The following FBH1 variants were observed in gnomAD, a reference collection of about 807,000 sequenced individuals.
The protein encoded by FBH1 is DNA 3'-5' helicase 1.
FBH1 carries 43 observed loss-of-function variants against 115.5 expected under a neutral mutation model. The ratio of observed to expected loss-of-function variants is 0.37; its 90% CI spans 0.29 to 0.48. The LOEUF is 0.48. Among genes scored for constraint, FBH1 ranks in the 20% least tolerant of loss-of-function variants. The pLI, the probability that FBH1 is intolerant of heterozygous loss-of-function variation, is 0.99. For missense variants in FBH1, 1,001 were observed against 1,337.3 expected, an observed-to-expected ratio of 0.75 and a Z score of 3.92; for synonymous variants, 524 against 507.8, an observed-to-expected ratio of 1.03 and a Z score of -0.43.
rs1252155827 is a variant in FBH1 at position 5,906,827 on chromosome 10, C to T, written c.753+195C>T. On this transcript the variant is annotated intron_variant, in intron 3 of 20. Coordinates refer to ENST00000362091, the MANE Select transcript of FBH1 (RefSeq NM_178150.3). This position sits in a 1 kb window ranked among gnomAD's most constrained non-coding sequence, Gnocchi z 7.3. ...TCTAGCCTCTTTGTTCACTTCCACT[C>T]AACACAGCTTCCCTGAGTTCTGTCT... Among the ~76,000 whole-genome samples the T allele has an allele frequency of 6.6e-6, 1 of 152,192 alleles. No individual in the cohort carries two copies.
chr10:5,930,952 TCTCA>T (rs1322745539), intron 19 of FBH1, among the ~76,000 whole-genome samples: 1 of 151,808 alleles, frequency 6.6e-6, no homozygotes, highest in Non-Finnish European at 1.5e-5. Context: ...ACAGACAGGG[TCTCA>T]CTCACTATGT....
chr10:5,890,407 A>G, intron 1 of FBH1, 61 bp downstream of exon 1: 1 of 363,168 alleles, frequency 2.8e-6, no homozygotes, highest in East Asian at 4.2e-5. Context: ...TGGAAAACTT[A>G]ACCTCCGGGG....
chr10:5,918,541 CTGTG>C lies in FBH1; in HGVS notation c.2100+64_2100+67del. 1 of 1,476,716 alleles carries C rather than the reference CTGTG, an allele frequency of 6.8e-7. No individual in the cohort carries two copies. The highest frequency in any genetic ancestry group is 8.9e-7 in the Non-Finnish European group (1 of 1,117,658). The allele number at this position is 1,476,716 out of a possible 1,614,324, so 91.5% of individuals were successfully genotyped here. A position where few individuals can be genotyped will look rare whatever the true frequency, so the allele number is the denominator to read the frequency against. On this transcript the variant is annotated intron_variant, in intron 13 of 20. Coordinates refer to ENST00000362091, the MANE Select transcript of FBH1 (RefSeq NM_178150.3). This position sits in a 1 kb window ranked among gnomAD's most constrained non-coding sequence, Gnocchi z 4.0. Reference sequence around the variant, plus strand: ...CTCCCAATGTCTTACGTGCCAGGCCCTGTGAAAGGTGGTATGCCAGGCTCACCAG... The same window carrying C: ...CTCCCAATGTCTTACGTGCCAGGCCCAAAGGTGGTATGCCAGGCTCACCAG...
rs1831773814 is a variant in FBH1, at chr10:5,914,039, T to C, written c.1305-139T>C. ...AGCATCATAATCTAGCTTTAGAACA[T>C]GTTTATTCTCGTAAGGGGAGGCCTT... On this transcript the variant is annotated intron_variant, in intron 7 of 20. Transcript: ENST00000362091. This position sits in a 1 kb window ranked among gnomAD's most constrained non-coding sequence, Gnocchi z 5.2. The C allele has an allele frequency of 1.2e-6, 1 of 851,370 alleles. No homozygotes were observed. The highest frequency in any genetic ancestry group is 1.6e-5 in the South Asian group (1 of 62,776). 52.7% of individuals were successfully genotyped at this position (851,370 alleles called of 1,614,324 possible). A position where few individuals can be genotyped will look rare whatever the true frequency, so the allele number is the denominator to read the frequency against.
Position 5,890,433 on chromosome 10 carries a change from C to T in FBH1, c.1+87C>T, listed in dbSNP as rs1589033481. The T allele has an allele frequency of 3.4e-5, 12 of 348,658 alleles. 1 individual carries two copies. In the East Asian group the frequency reaches 4.9e-4, roughly 14 times the overall value. The allele number at this position is 348,658 out of a possible 1,614,324, so 21.6% of individuals were successfully genotyped here. On this transcript the variant is annotated intron_variant, in intron 1 of 20. Coordinates refer to ENST00000362091, the MANE Select transcript of FBH1 (RefSeq NM_178150.3). ...ACCTCCGGGGTCCTGCGCGGGGGGT[C>T]CGGGCCCGGGGTGGGGCAGCGGGGG...
chr10:5,935,473 G>T lies in FBH1; in HGVS notation c.2830-983G>T, dbSNP rs1466046649. On this transcript the variant is annotated intron_variant, in intron 19 of 20. Transcript: ENST00000362091. The surrounding 1 kb of genome is among the most constrained non-coding windows in gnomAD (Gnocchi z 5.2). ...CCGTGGGTTGGAGGGACCTCGCCAG[G>T]TTCATGGTCTTGGCTGTCTCTCGGG... is the stretch of plus-strand genomic sequence containing the variant. 1 of 152,218 alleles carries T rather than the reference G, an allele frequency of 6.6e-6. No individual in the cohort carries two copies. The highest frequency in any genetic ancestry group is 1.9e-4 in the East Asian group (1 of 5,206). The allele number at this position is 152,218 out of a possible 1,614,324, so 9.4% of individuals were successfully genotyped here. A position where few individuals can be genotyped will look rare whatever the true frequency, so the allele number is the denominator to read the frequency against.
chr10:5,892,922 C>T (rs898352853), intron 1 of FBH1, among the ~76,000 whole-genome samples: 1 of 152,212 alleles, frequency 6.6e-6, no homozygotes, highest in Non-Finnish European at 1.5e-5. Flanking sequence ...AGTTGTTTTC[C>T]TGACAATCTC....
At chr10:5,898,045 G>A (rs569289899) in intron 1 of FBH1, among the ~76,000 whole-genome samples, 1 of 152,296 alleles carries the variant, frequency 6.6e-6, no homozygotes, top group African/African-American at 2.4e-5. Context: ...AGGGATTAGA[G>A]TGTAGGCTCC....
chr10:5,917,581 T>A lies in FBH1; in HGVS notation c.1877-9T>A, dbSNP rs772690158. On this transcript the variant is annotated splice_polypyrimidine_tract_variant and intron_variant, in intron 11 of 20. Transcript: ENST00000362091. This position sits in a 1 kb window ranked among gnomAD's most constrained non-coding sequence, Gnocchi z 5.6. Reference sequence around the variant, plus strand: ...GGCGTTACAACTCCTGCGTCTCTCCTTATTTTAGGCTACTTGAAACTCTGG... The same window carrying A: ...GGCGTTACAACTCCTGCGTCTCTCCATATTTTAGGCTACTTGAAACTCTGG... 2.4e-5 allele frequency: 38 copies of A among 1,614,016 alleles called. No homozygotes were observed. The highest frequency in any genetic ancestry group is 1.3e-4 in the Admixed American group (8 of 60,002).
chr10:5,899,895 T>G (rs561147044), intron 1 of FBH1, among the ~76,000 whole-genome samples: 25 of 152,356 alleles, frequency 1.6e-4, no homozygotes, highest in Middle Eastern at 3.4e-3. Context: ...CAAATTTAGT[T>G]TTTAATGTAG....
In FBH1 at chr10:5,927,559, C is replaced by T. The variant is rs776295206; in HGVS notation, c.2829+18C>T. ...TGGCTGGGGTAAGCAGAACGGGCAGCATGAGCTAACTTGATGCCATTGAAT... is the reference window on the plus strand; with the variant it reads ...TGGCTGGGGTAAGCAGAACGGGCAGTATGAGCTAACTTGATGCCATTGAAT... On this transcript the variant is annotated intron_variant, in intron 19 of 20. Transcript: ENST00000362091. 1.3e-6 allele frequency: 2 copies of T among 1,590,766 alleles called. No homozygotes were observed. Among genetic ancestry groups the T allele is most frequent in the Non-Finnish European group, 1.7e-6 (2 of 1,161,378 alleles).
Position 5,903,009 on chromosome 10 carries a change from G to T in FBH1, c.2-11G>T, listed in dbSNP as rs780500025. 14 of 1,600,858 alleles carry T rather than the reference G, an allele frequency of 8.7e-6. No homozygotes were observed. The highest frequency in any genetic ancestry group is 1.7e-5 in the Admixed American group (1 of 58,734). On this transcript the variant is annotated splice_polypyrimidine_tract_variant and intron_variant, in intron 1 of 20. Coordinates refer to ENST00000362091, the MANE Select transcript of FBH1 (RefSeq NM_178150.3). The stretch of plus-strand genomic sequence containing the variant: ...AATATCCCCTTTCTTCTACCTGCTG[G>T]TATGAAACAGTGAGACGGTTTAAGC...
At chr10:5,894,227 C>T (rs1007569775) in intron 1 of FBH1, 1 of 985,298 alleles carries the variant, frequency 1.0e-6, no homozygotes, top group African/African-American at 1.7e-5. Flanking sequence ...CTAATGGGGA[C>T]ACAATATTTT....
Position 5,908,999 on chromosome 10 carries a change from CCTGT to C in FBH1, c.831_834del (p.Ser278ThrfsTer4). ...AAGCTGTCAGCAAAGTGGACGGCATCCTGTCTAACTGTGGCATAGAAAAGGAGTC... is the reference window on the plus strand; with the variant it reads ...AAGCTGTCAGCAAAGTGGACGGCATCCTAACTGTGGCATAGAAAAGGAGTC... On this transcript the variant is annotated frameshift_variant, in exon 4 of 21. Coordinates refer to ENST00000362091, the MANE Select transcript of FBH1 (RefSeq NM_178150.3). LOFTEE classifies it high-confidence loss of function. 6.2e-7 allele frequency: 1 copy of C among 1,614,184 alleles called. No homozygotes were observed. Among genetic ancestry groups the C allele is most frequent in the Non-Finnish European group, 8.5e-7 (1 of 1,180,032 alleles).
intron 1 of FBH1, chr10:5,894,231 A>G (rs1842887881): frequency 8.1e-6 from 8 of 985,328 alleles, no homozygotes; most frequent in Admixed American, 6.1e-5. Context: ...TGGGGACACA[A>G]TATTTTGAAG....
chr10:5,907,998 G>A, intron 3 of FBH1, among the ~76,000 whole-genome samples: 1 of 152,174 alleles, frequency 6.6e-6, no homozygotes, highest in East Asian at 1.9e-4. Flanking sequence ...GTTGGGTGGA[G>A]TATTCTGTAT....
At position 5,913,235 on chromosome 10, in the gene FBH1, C is replaced by G. The variant is rs1831715755; in HGVS notation, c.1212-512C>G. 6.6e-6 allele frequency among the ~76,000 whole-genome samples: 1 copy of G among 152,142 alleles called. No individual in the cohort carries two copies. The highest frequency in any genetic ancestry group is 2.4e-5 in the African/African-American group (1 of 41,414). ...GTCCTTAGTAGTCAGATCTTGTTAT[C>G]CATAGTGTAGTCCCTTTTCTTGGGA... is the stretch of plus-strand genomic sequence containing the variant. On this transcript the variant is annotated intron_variant, in intron 6 of 20. Coordinates refer to ENST00000362091, the MANE Select transcript of FBH1 (RefSeq NM_178150.3). The surrounding 1 kb of genome is among the most constrained non-coding windows in gnomAD (Gnocchi z 4.4).
At chr10:5,934,066 A>G (rs1441914893) in intron 19 of FBH1, among the ~76,000 whole-genome samples, 1 of 152,166 alleles carries the variant, frequency 6.6e-6, no homozygotes, top group Non-Finnish European at 1.5e-5. Context: ...GAAGATCCCG[A>G]GTTGGGCAGT....
Position 5,936,434 on chromosome 10 carries a change from T to C in FBH1, c.2830-22T>C, listed in dbSNP as rs769366389. 4.8e-5 allele frequency: 77 copies of C among 1,611,376 alleles called. No individual in the cohort carries two copies. The highest frequency in any genetic ancestry group is 6.4e-5 in the Non-Finnish European group (75 of 1,178,734). On this transcript the variant is annotated intron_variant, in intron 19 of 20. Coordinates refer to ENST00000362091, the MANE Select transcript of FBH1 (RefSeq NM_178150.3). The surrounding 1 kb of genome is among the most constrained non-coding windows in gnomAD (Gnocchi z 5.6). ...TAACGGAGGTGTCGCCATGACTCTC[T>C]TTCTCGCTCTTTCTTTCTCAGGAGT...
Sources: gnomAD v4.1 joint callset for allele counts (sites outside exome capture counted in the v4.1 genomes callset) on GRCh38, gnomAD v4.1.1 for gene constraint, Gnocchi (gnomAD v3.1) non-coding constraint, MANE v1.5 for transcripts, NCBI Gene and HGNC (gene_info 2026-07-23, HGNC 2026-07-21) for gene names.